Variants in CCT2 observed in about 807,000 individuals in gnomAD.
The protein encoded by CCT2 is chaperonin containing TCP1 subunit 2.
CCT2 carries 18 observed loss-of-function variants against 61.8 expected under a neutral mutation model. That is an observed-to-expected ratio of 0.29 (90% CI 0.20 to 0.43). The LOEUF (loss-of-function observed/expected upper bound fraction) is 0.43, where lower values mean the gene tolerates loss of function less well. Ranked by LOEUF, CCT2 falls within the 20% of genes least tolerant of loss-of-function variation. CCT2 has a pLI of 1.00. For missense variants in CCT2, 556 were observed against 656.9 expected, an observed-to-expected ratio of 0.85 and a Z score of 1.68; for synonymous variants, 248 against 215.9, an observed-to-expected ratio of 1.15 and a Z score of -1.30.
chr12:69,599,847 T>A lies in CCT2; in HGVS notation c.1436-16T>A, dbSNP rs955821219. ...TAGTTAAAACTGCTTTTTAGTAAAT[T>A]TGTTTTTCTTTGCAGATATGAGGGA... On this transcript the variant is annotated splice_polypyrimidine_tract_variant and intron_variant, in intron 14 of 15. Transcript: ENST00000299300. The A allele has an allele frequency of 3.8e-6, 6 of 1,591,934 alleles. No homozygotes were observed. Among genetic ancestry groups the A allele is most frequent in the Non-Finnish European group, 5.1e-6 (6 of 1,171,236 alleles).
In CCT2 at chr12:69,597,439, C is replaced by G. The variant is rs149777964; in HGVS notation, c.1102+164C>G. Among the ~76,000 whole-genome samples the G allele has an allele frequency of 3.3e-3, 500 of 152,256 alleles. 5 individuals are homozygous for G. Among genetic ancestry groups the G allele is most frequent in the African/African-American group, 0.012 (488 of 41,546 alleles). ...TCTCTTGAGTCAACCTCATATTTAC[C>G]GTGTCTTTGTGAACAGTGCATGTTC... On this transcript the variant is annotated intron_variant, in intron 11 of 15. Coordinates refer to ENST00000299300, the MANE Select transcript of CCT2 (RefSeq NM_006431.3).
At chr12:69,597,020 T>C in intron 10 of CCT2, 136 bp from the exon 11 acceptor site, 1 of 654,472 alleles carries the variant, frequency 1.5e-6, no homozygotes, top group Non-Finnish European at 2.5e-6. Context: ...TTAAAAAGAG[T>C]GCCAGGAATA....
Position 69,597,633 on chromosome 12 carries a change from T to A in CCT2, c.1103-5T>A, listed in dbSNP as rs1882029349. 3.1e-6 allele frequency: 5 copies of A among 1,608,780 alleles called. No homozygotes were observed. The highest frequency in any genetic ancestry group is 4.2e-6 in the Non-Finnish European group (5 of 1,178,622). ...CTAAGTGGTCACTGTGTCTTTTAAT[T>A]TTAGGTGAGGCTTGTACCATTGTTT... is the stretch of plus-strand genomic sequence containing the variant. On this transcript the variant is annotated splice_polypyrimidine_tract_variant and splice_region_variant and intron_variant, in intron 11 of 15. Coordinates refer to ENST00000299300, the MANE Select transcript of CCT2 (RefSeq NM_006431.3).
chr12:69,591,639 A>G (rs1482960761), intron 7 of CCT2, among the ~76,000 whole-genome samples: 2 of 152,236 alleles, frequency 1.3e-5, no homozygotes, highest in Non-Finnish European at 2.9e-5. Flanking sequence ...TATTGTCTGT[A>G]CTGTGCTCTT....
At chr12:69,586,448 A>G in intron 2 of CCT2, 104 bp downstream of exon 2, 1 of 818,682 alleles carries the variant, frequency 1.2e-6, no homozygotes, top group East Asian at 2.4e-5. Flanking sequence ...TAGGCGGATG[A>G]ACTGAGGTCA....
chr12:69,598,464 C>A, intron 14 of CCT2, 43 bp downstream of exon 14: 1 of 1,200,956 alleles, frequency 8.3e-7, no homozygotes, highest in Non-Finnish European at 1.2e-6. Context: ...TTAAAAGTAA[C>A]TCTTTTCACT....
chr12:69,594,576 G>T (rs1288726261), intron 10 of CCT2, among the ~76,000 whole-genome samples: 7 of 152,126 alleles, frequency 4.6e-5, no homozygotes, highest in African/African-American at 9.7e-5. Context: ...ATGAGTTCAG[G>T]CTGGTTGCGG....
At chr12:69,599,716 A>T in intron 14 of CCT2, 147 bp from the exon 15 acceptor site, 17 of 520,028 alleles carry the variant, frequency 3.3e-5, no homozygotes, top group Non-Finnish European at 3.2e-5. Context: ...GCTTTCTTTG[A>T]GCTCATTTGT....
At chr12:69,587,075 T>G (rs1459203361) in intron 3 of CCT2, 4 of 387,872 alleles carry the variant, frequency 1.0e-5, no homozygotes, top group Non-Finnish European at 1.8e-5. Context: ...TGTACTTCAT[T>G]ATGTATTTTA....
At chr12:69,593,391 A>G (rs557573914) in intron 9 of CCT2, 119 bp from the exon 10 acceptor site, 12 of 684,650 alleles carry the variant, frequency 1.8e-5, no homozygotes, top group Admixed American at 1.4e-4. Flanking sequence ...AAGAAATGCA[A>G]TCTTGTTCTA....
chr12:69,585,838 G>C, intron 1 of CCT2: 2 of 1,323,768 alleles, frequency 1.5e-6, no homozygotes, highest in Non-Finnish European at 1.9e-6. Context: ...CCTCCTTCTA[G>C]GGGCGGAGCC....
chr12:69,593,182 A>AT, intron 9 of CCT2, 79 bp downstream of exon 9: 1 of 1,270,490 alleles, frequency 7.9e-7, no homozygotes, highest in South Asian at 1.4e-5. Context: ...ATTGAATTAG[A>AT]TTTTTTACCT....
Position 69,601,319 on chromosome 12 carries a change from C to T in CCT2, c.1602C>T (p.Pro534=), listed in dbSNP as rs1156273793. ...GGAAACGTGTCCCTGATCACCACCC[C>T]TGTTAAGCATTCCCACGTGCTGTCG... is the stretch of plus-strand genomic sequence containing the variant. The part of the protein sequence containing the change: ...APRKRVPDHH[P]C The change falls in exon 16 of 16, where the codon CCC becomes CCT. Residue 534 remains proline, a synonymous_variant. Coordinates refer to ENST00000299300, the MANE Select transcript of CCT2 (RefSeq NM_006431.3). 1.2e-6 allele frequency: 2 copies of T among 1,611,048 alleles called. No individual in the cohort carries two copies. Among genetic ancestry groups the T allele is most frequent in the Admixed American group, 1.7e-5 (1 of 59,186 alleles).
Position 69,591,860 on chromosome 12 carries a change from C to T in CCT2, c.650-199C>T, listed in dbSNP as rs757813276. Among the ~76,000 whole-genome samples the T allele has an allele frequency of 3.2e-4, 48 of 150,244 alleles. 1 individual carries two copies. Among genetic ancestry groups the T allele is most frequent in the Non-Finnish European group, 3.6e-4 (24 of 67,298 alleles). ...GAAACTAAAATCCATGGCTTTCAGG[C>T]GCTAAAAGCCTAAAAGCAAAACAAC... On this transcript the variant is annotated intron_variant, in intron 7 of 15. Transcript: ENST00000299300.
chr12:69,591,864 A>G (rs1430977729), intron 7 of CCT2, among the ~76,000 whole-genome samples, 195 bp from the exon 8 acceptor site: 1 of 148,322 alleles, frequency 6.7e-6, no homozygotes, highest in African/African-American at 2.4e-5. Flanking sequence ...TTCAGGCGCT[A>G]AAAGCCTAAA....
At chr12:69,586,203 A>G in intron 1 of CCT2, 67 bp from the exon 2 acceptor site, 1 of 1,238,398 alleles carries the variant, frequency 8.1e-7, no homozygotes, top group Non-Finnish European at 1.2e-6. Flanking sequence ...GACTAGTGGA[A>G]GGCACCTCAG....
intron 3 of CCT2, 28 bp from the exon 4 acceptor site, chr12:69,587,477 T>C (rs1050768458): frequency 7.5e-7 from 1 of 1,329,582 alleles, no homozygotes; most frequent in Non-Finnish European, 1.1e-6. Flanking sequence ...GCTTATGTCT[T>C]AACTTGAACC....
chr12:69,586,025 T>A, intron 1 of CCT2: 4 of 1,372,996 alleles, frequency 2.9e-6, no homozygotes, highest in Non-Finnish European at 3.8e-6. Flanking sequence ...TAACTGTCAA[T>A]CTCGCTGGTG....
intron 1 of CCT2, 103 bp from the exon 2 acceptor site, chr12:69,586,167 G>C: frequency 8.6e-7 from 1 of 1,162,364 alleles, no homozygotes; most frequent in Non-Finnish European, 1.3e-6. Flanking sequence ...TTGTAAATGA[G>C]TTTTCTCTTA....
Sources: allele counts gnomAD v4.1 joint callset (sites outside exome capture counted in the v4.1 genomes callset), GRCh38; gene constraint gnomAD v4.1.1; transcripts MANE v1.5; gene names NCBI Gene and HGNC (gene_info 2026-07-23, HGNC 2026-07-21).